MRPS2: variants seen among roughly 807,000 people sequenced by gnomAD.
The protein encoded by MRPS2 is mitochondrial ribosomal protein S2, also known as small ribosomal subunit protein uS2m.
Under a neutral mutation model 18.9 loss-of-function variants are expected in MRPS2, and 13 were observed. The ratio of observed to expected loss-of-function variants is 0.69; its 90% CI spans 0.45 to 1.09. The LOEUF (loss-of-function observed/expected upper bound fraction) is 1.09, where lower values mean the gene tolerates loss of function less well. Ranked by LOEUF, MRPS2 falls within the 50% of genes least tolerant of loss-of-function variation. The pLI is 0.00. For synonymous variants in MRPS2, 186 were observed against 178.4 expected, an observed-to-expected ratio of 1.04 and a Z score of -0.34; for missense variants, 389 against 421.7, an observed-to-expected ratio of 0.92 and a Z score of 0.68.
Position 135,504,310 on chromosome 9 carries a change from T to C in MRPS2, c.*177T>C, listed in dbSNP as rs867740204. 1.7e-5 allele frequency: 11 copies of C among 648,850 alleles called. No homozygotes were observed. The Middle Eastern group carries it at 2.1e-3, about 121-fold the overall frequency. The allele number at this position is 648,850 out of a possible 1,614,324, so 40.2% of individuals were successfully genotyped here. A position where few individuals can be genotyped will look rare whatever the true frequency, so the allele number is the denominator to read the frequency against. On this transcript the variant is annotated 3_prime_UTR_variant, in exon 4 of 4. Transcript: ENST00000241600. The surrounding 1 kb of genome is among the most constrained non-coding windows in gnomAD (Gnocchi z 4.3). ...GGCTGAGCGGACCAACGTTGCCATG[T>C]GCGTTTGCTCTGTGGGGAACAGAGC...
chr9:135,503,430 C>A, intron 3 of MRPS2, 112 bp from the exon 4 acceptor site: 1 of 1,388,054 alleles, frequency 7.2e-7, no homozygotes, highest in Non-Finnish European at 9.6e-7. Context: ...GCCCATAGTG[C>A]CCCCACAGAG....
intron 1 of MRPS2, 113 bp downstream of exon 1, chr9:135,500,866 G>A (rs1831095950): frequency 1.3e-6 from 2 of 1,524,670 alleles, no homozygotes; most frequent in South Asian, 2.4e-5. Flanking sequence ...GAGCGCGGAG[G>A]GGACTCGGGG....
chr9:135,501,716 T>C, intron 2 of MRPS2, 128 bp from the exon 3 acceptor site: 2 of 1,506,902 alleles, frequency 1.3e-6, no homozygotes, highest in Non-Finnish European at 1.8e-6. Flanking sequence ...CTGGGGCTGC[T>C]GGGCTCCCGG....
rs1831233674 is a variant in MRPS2 at position 135,504,197 on chromosome 9, A to G, written c.*64A>G. ...GTCTGAGCTGGGAGTCCCCTTCCCC[A>G]GCCCTGGGTCAGCGGCATCCTCAGT... On this transcript the variant is annotated 3_prime_UTR_variant, in exon 4 of 4. Coordinates refer to ENST00000241600, the MANE Select transcript of MRPS2 (RefSeq NM_016034.5). This position sits in a 1 kb window ranked among gnomAD's most constrained non-coding sequence, Gnocchi z 4.3. 7.1e-7 allele frequency: 1 copy of G among 1,410,708 alleles called. No homozygotes were observed. The highest frequency in any genetic ancestry group is 1.4e-5 in the African/African-American group (1 of 69,498). 87.4% of individuals were successfully genotyped at this position (1,410,708 alleles called of 1,614,324 possible).
At chr9:135,500,932 T>C (rs747885863) in intron 1 of MRPS2, 66 bp from the exon 2 acceptor site, 21 of 1,596,974 alleles carry the variant, frequency 1.3e-5, no homozygotes, top group Non-Finnish European at 1.7e-5. Context: ...CCGTTGGGGA[T>C]GCGGTGGGGA....
upstream of MRPS2, chr9:135,500,206 G>A: frequency 3.0e-6 from 1 of 332,590 alleles, no homozygotes; most frequent in Non-Finnish European, 5.5e-6. Context: ...GGCAGGCAAC[G>A]ATTGGACTTT....
At chr9:135,502,360 G>GGGGAGGGGAT (rs1197668295) in intron 3 of MRPS2, 2 of 859,646 alleles carry the variant, frequency 2.3e-6, no homozygotes, top group Non-Finnish European at 2.9e-6. Context: ...ACTGCTGTGG[G>GGGGAGGGGAT]GGGAGGGGAT....
chr9:135,504,444 G>T lies in MRPS2; in HGVS notation c.*311G>T, dbSNP rs920171976. On this transcript the variant is annotated 3_prime_UTR_variant, in exon 4 of 4. Coordinates refer to ENST00000241600, the MANE Select transcript of MRPS2 (RefSeq NM_016034.5). The surrounding 1 kb of genome is among the most constrained non-coding windows in gnomAD (Gnocchi z 4.3). Reference sequence around the variant, plus strand: ...TGCTGCTGTCCCTGTGATCCCAGCAGCCCTCCCTTCACCGTGACCCCTGAC... The same window carrying T: ...TGCTGCTGTCCCTGTGATCCCAGCATCCCTCCCTTCACCGTGACCCCTGAC... 2.5e-6 allele frequency: 1 copy of T among 402,224 alleles called. No individual in the cohort carries two copies. Among genetic ancestry groups the T allele is most frequent in the Non-Finnish European group, 4.5e-6 (1 of 223,782 alleles). The allele number at this position is 402,224 out of a possible 1,614,324, so 24.9% of individuals were successfully genotyped here.
At chr9:135,501,439 T>A (rs546588608) in intron 2 of MRPS2, 1 of 1,033,860 alleles carries the variant, frequency 9.7e-7, no homozygotes, top group Non-Finnish European at 1.3e-6. Context: ...CCAAGTGACC[T>A]GGGGGCACTG....
In MRPS2 at chr9:135,503,721, G is replaced by C. The variant is rs192357856; in HGVS notation, c.479G>C (p.Arg160Pro). The C allele has an allele frequency of 6.2e-7, 1 of 1,613,340 alleles. No homozygotes were observed. Among genetic ancestry groups the C allele is most frequent in the Admixed American group, 1.7e-5 (1 of 60,008 alleles). The change falls in exon 4 of 4, where the codon CGT becomes CCT. Residue 160 changes from arginine to proline, a missense_variant. Transcript: ENST00000241600. ...QFSYLIENMA[R>P]DCGEYAHTRY... ...TCGTACCTGATTGAGAACATGGCCCGTGACTGTGGCGAGTACGCCCACACT... is the reference window on the plus strand; with the variant it reads ...TCGTACCTGATTGAGAACATGGCCCCTGACTGTGGCGAGTACGCCCACACT...
In MRPS2 at chr9:135,504,251, G is replaced by A; in HGVS notation, c.*118G>A. On this transcript the variant is annotated 3_prime_UTR_variant, in exon 4 of 4. Coordinates refer to ENST00000241600, the MANE Select transcript of MRPS2 (RefSeq NM_016034.5). The surrounding 1 kb of genome is among the most constrained non-coding windows in gnomAD (Gnocchi z 4.3). The stretch of plus-strand genomic sequence containing the variant: ...TGTTACTTACTCAGCTGATGTCACA[G>A]TGCAGACATCCACCGTTCCACCACA... The A allele has an allele frequency of 1.1e-6, 1 of 939,612 alleles. No homozygotes were observed. The highest frequency in any genetic ancestry group is 2.5e-4 in the Middle Eastern group (1 of 3,972). 58.2% of individuals were successfully genotyped at this position (939,612 alleles called of 1,614,324 possible).
chr9:135,503,962 C>T lies in MRPS2; in HGVS notation c.720C>T (p.Asp240=), dbSNP rs546976556. The T allele has an allele frequency of 2.1e-5, 34 of 1,613,872 alleles. No homozygotes were observed. In the African/African-American group the frequency reaches 3.7e-4, roughly 18 times the overall value. ...CLITYPVPGN[D]DSPLAVHLYC... Reference sequence around the variant, plus strand: ...TCACCTACCCTGTACCCGGCAATGACGACTCTCCGCTGGCTGTGCACCTCT... The same window carrying T: ...TCACCTACCCTGTACCCGGCAATGATGACTCTCCGCTGGCTGTGCACCTCT... The change falls in exon 4 of 4, where the codon GAC becomes GAT. Residue 240 remains aspartate (D), a synonymous_variant. Transcript: ENST00000241600.
At position 135,504,016 on chromosome 9, in the gene MRPS2, C is replaced by G. The variant is rs1831226572; in HGVS notation, c.774C>G (p.Thr258=). 1 of 1,613,384 alleles carries G rather than the reference C, an allele frequency of 6.2e-7. No homozygotes were observed. Among genetic ancestry groups the G allele is most frequent in the South Asian group, 1.1e-5 (1 of 91,090 alleles). ...GCAGGCTCTTCCAGACGGCCATCAC[C>G]CGGGCCAAGGAGAAGCGGCAGCAGG... is the stretch of plus-strand genomic sequence containing the variant. The part of the protein sequence containing the change: ...LYCRLFQTAI[T]RAKEKRQQVE... The change falls in exon 4 of 4, where the codon ACC becomes ACG. Residue 258 remains threonine, a synonymous_variant. Coordinates refer to ENST00000241600, the MANE Select transcript of MRPS2 (RefSeq NM_016034.5). This position sits in a 1 kb window ranked among gnomAD's most constrained non-coding sequence, Gnocchi z 4.3.
upstream of MRPS2, chr9:135,500,183 T>A (rs868299330): frequency 8.3e-6 from 3 of 361,450 alleles, no homozygotes; most frequent in African/African-American, 6.4e-5. Flanking sequence ...GTTTAAGCAC[T>A]GCAGGTCCAC....
Position 135,503,557 on chromosome 9 carries a change from C to A in MRPS2, c.315C>A (p.Tyr105Ter), listed in dbSNP as rs1325840528. The change falls in exon 4 of 4, where the codon TAC becomes TAA. Residue 105 changes from tyrosine to a stop codon, truncating the protein, a stop_gained. Coordinates refer to ENST00000241600, the MANE Select transcript of MRPS2 (RefSeq NM_016034.5). LOFTEE classifies it high-confidence loss of function. ...TCTCTGGCAGGTTTATGGAGCCGTA[C>A]ATCTTTGGGAGCCGCCTGGACCACG... ...AGCRHRFMEP[Y>*]IFGSRLDHDI... 3 of 1,613,136 alleles carry A rather than the reference C, an allele frequency of 1.9e-6. No individual in the cohort carries two copies. Among genetic ancestry groups the A allele is most frequent in the Non-Finnish European group, 1.7e-6 (2 of 1,179,792 alleles).
chr9:135,504,584 A>G lies in MRPS2; in HGVS notation c.*451A>G, dbSNP rs952900472. ...TGTAATGAGATGCTGCTGGCAGGCC[A>G]CTCAGAGGCTCCCAGCTGGGTTGGT... On this transcript the variant is annotated 3_prime_UTR_variant, in exon 4 of 4. Transcript: ENST00000241600. The surrounding 1 kb of genome is among the most constrained non-coding windows in gnomAD (Gnocchi z 4.3). 6.1e-6 allele frequency: 1 copy of G among 164,090 alleles called. No individual in the cohort carries two copies. Among genetic ancestry groups the G allele is most frequent in the African/African-American group, 2.4e-5 (1 of 41,336 alleles). 10.2% of individuals were successfully genotyped at this position (164,090 alleles called of 1,614,324 possible). A position where few individuals can be genotyped will look rare whatever the true frequency, so the allele number is the denominator to read the frequency against.
At position 135,503,553 on chromosome 9, in the gene MRPS2, C is replaced by G; in HGVS notation, c.311C>G (p.Pro104Arg). Residue 104 changes from proline to arginine, a missense_variant, in exon 4 of 4, where the codon CCG (proline) becomes CGG (arginine). Transcript: ENST00000241600. ...GGGGTCTCTGGCAGGTTTATGGAGC[C>G]GTACATCTTTGGGAGCCGCCTGGAC... ...KAGCRHRFME[P>R]YIFGSRLDHD... 1 of 1,613,036 alleles carries G rather than the reference C, an allele frequency of 6.2e-7. No individual in the cohort carries two copies. Among genetic ancestry groups the G allele is most frequent in the African/African-American group, 1.3e-5 (1 of 74,990 alleles).
chr9:135,504,270 C>T lies in MRPS2; in HGVS notation c.*137C>T. The T allele has an allele frequency of 1.2e-6, 1 of 837,560 alleles. No homozygotes were observed. The highest frequency in any genetic ancestry group is 1.8e-6 in the Non-Finnish European group (1 of 552,846). 51.9% of individuals were successfully genotyped at this position (837,560 alleles called of 1,614,324 possible). ...GTCACAGTGCAGACATCCACCGTTC[C>T]ACCACAGAACCAGTGGCTGAGCGGA... is the stretch of plus-strand genomic sequence containing the variant. On this transcript the variant is annotated 3_prime_UTR_variant, in exon 4 of 4. Coordinates refer to ENST00000241600, the MANE Select transcript of MRPS2 (RefSeq NM_016034.5). This position sits in a 1 kb window ranked among gnomAD's most constrained non-coding sequence, Gnocchi z 4.3.
At position 135,501,867 on chromosome 9, in the gene MRPS2, G is replaced by A. The variant is rs747619062; in HGVS notation, c.193G>A (p.Glu65Lys). The A allele has an allele frequency of 6.2e-7, 1 of 1,613,610 alleles. No homozygotes were observed. The part of the protein sequence containing the change: ...STDFNDKILN[E>K]PLKHSDFFNV... ...AGATTTCAACGACAAGATTTTGAATGAGCCCCTCAAGCACTCTGACTTCTT... is the reference window on the plus strand; with the variant it reads ...AGATTTCAACGACAAGATTTTGAATAAGCCCCTCAAGCACTCTGACTTCTT... Residue 65 changes from glutamate (E) to lysine (K), a missense_variant, in exon 3 of 4, where the codon GAG (glutamate) becomes AAG (lysine). By Grantham distance (56) the Glu-to-Lys change is moderately conservative. Coordinates refer to ENST00000241600, the MANE Select transcript of MRPS2 (RefSeq NM_016034.5).
Sources: gnomAD v4.1 joint callset for allele counts on GRCh38, gnomAD v4.1.1 for gene constraint, Gnocchi (gnomAD v3.1) non-coding constraint, MANE v1.5 for transcripts, NCBI Gene and HGNC (gene_info 2026-07-23, HGNC 2026-07-21) for gene names.